Variants in SUSD1 observed in about 807,000 individuals in gnomAD.
The protein encoded by SUSD1 is sushi domain containing 1.
Under a neutral mutation model 86.9 loss-of-function variants are expected in SUSD1, and 65 were observed. That is an observed-to-expected ratio of 0.75 (90% CI 0.61 to 0.92). The LOEUF (loss-of-function observed/expected upper bound fraction) is 0.92, where lower values mean the gene tolerates loss of function less well. SUSD1 is among the 40% of genes least tolerant of loss of function. The pLI, the probability that SUSD1 is intolerant of heterozygous loss-of-function variation, is 0.00. For synonymous variants in SUSD1, 346 were observed against 350.0 expected, an observed-to-expected ratio of 0.99 and a Z score of 0.13; for missense variants, 850 against 929.7, an observed-to-expected ratio of 0.91 and a Z score of 1.11.
chr9:112,058,434 C>T lies in SUSD1; in HGVS notation c.2103G>A (p.Trp701Ter). The T allele has an allele frequency of 6.2e-7, 1 of 1,613,622 alleles. No homozygotes were observed. The highest frequency in any genetic ancestry group is 8.5e-7 in the Non-Finnish European group (1 of 1,179,698). The change falls in exon 14 of 17, where the codon TGG becomes TGA. Residue 701 changes from tryptophan (W) to a stop codon, truncating the protein, a stop_gained. Transcript: ENST00000374270. LOFTEE classifies it high-confidence loss of function. ...AGCTTGGAAAGAAAGATACCTTATT[C>T]CATTCACTTGTGATTCGTAATATAA... ...YCIILRITSE[W>*]NKVRRHSCAV...
chr9:112,069,393 C>T (rs1029610625), intron 12 of SUSD1, among the ~76,000 whole-genome samples: 1 of 145,808 alleles, frequency 6.9e-6, no homozygotes, highest in African/African-American at 2.8e-5. Flanking sequence ...ATGCTATTTT[C>T]AAGAGCAGTC....
chr9:112,157,280 T>C (rs1363917955), intron 2 of SUSD1, among the ~76,000 whole-genome samples: 1 of 152,202 alleles, frequency 6.6e-6, no homozygotes, highest in Non-Finnish European at 1.5e-5. Flanking sequence ...GAGATTCAAG[T>C]TCAATGACCT....
chr9:112,075,736 C>G (rs1370879646), intron 12 of SUSD1, among the ~76,000 whole-genome samples: 1 of 152,132 alleles, frequency 6.6e-6, no homozygotes, highest in Non-Finnish European at 1.5e-5. Context: ...CAGAGTGAGA[C>G]CCTATCTCTA....
At chr9:112,130,675 C>T (rs150930482) in intron 5 of SUSD1, among the ~76,000 whole-genome samples, 1 of 151,950 alleles carries the variant, frequency 6.6e-6, no homozygotes, top group African/African-American at 2.4e-5. Context: ...TTGAAATACT[C>T]CCAAACACAA....
Position 112,124,285 on chromosome 9 carries a change from G to A in SUSD1, c.858C>T (p.Thr286=). 1.2e-6 allele frequency: 2 copies of A among 1,613,974 alleles called. No homozygotes were observed. The highest frequency in any genetic ancestry group is 1.7e-6 in the Non-Finnish European group (2 of 1,179,884). Residue 286 remains threonine (T), a synonymous_variant, in exon 6 of 17, where the codon ACC becomes ACT. Transcript: ENST00000374270. ...KITSVCTEKG[T]WRESTLTCTE... ...TGCATGTTAAAGTACTTTCTCTCCA[G>A]GTGCCTTTCTCTGTGCAAACAGAAG...
intron 6 of SUSD1, among the ~76,000 whole-genome samples, chr9:112,117,937 G>A (rs1363517180): frequency 6.6e-6 from 1 of 152,168 alleles, no homozygotes; most frequent in Non-Finnish European, 1.5e-5. Context: ...GGTGTTCGAT[G>A]CCTGGTTTCC....
At position 112,089,704 on chromosome 9, in the gene SUSD1, C is replaced by T. The variant is rs549516480; in HGVS notation, c.1474+8766G>A. Among the ~76,000 whole-genome samples, 14 of 150,544 alleles carry T rather than the reference C, an allele frequency of 9.3e-5. No homozygotes were observed. The East Asian group carries it at 1.8e-3, about 19-fold the overall frequency. On this transcript the variant is annotated intron_variant, in intron 10 of 16. Transcript: ENST00000374270. Reference sequence around the variant, plus strand: ...GTACATGCCTGTAGTCCCATCTACTCGGGAGGCTGAAGCAGGAGAATCGCT... The same window carrying T: ...GTACATGCCTGTAGTCCCATCTACTTGGGAGGCTGAAGCAGGAGAATCGCT...
intron 14 of SUSD1, among the ~76,000 whole-genome samples, chr9:112,055,769 T>C (rs1308231063): frequency 1.3e-5 from 2 of 152,148 alleles, no homozygotes; most frequent in Non-Finnish European, 2.9e-5. Context: ...TATTCATCCA[T>C]GAATAAATGA....
chr9:112,101,087 C>T (rs950760913), intron 9 of SUSD1, among the ~76,000 whole-genome samples: 8 of 151,396 alleles, frequency 5.3e-5, no homozygotes, highest in African/African-American at 9.7e-5. Flanking sequence ...TTGGCCTGGG[C>T]GCGGTGGCTC....
At chr9:112,122,222 A>T (rs1195646286) in intron 6 of SUSD1, among the ~76,000 whole-genome samples, 2 of 152,170 alleles carry the variant, frequency 1.3e-5, no homozygotes, top group Non-Finnish European at 2.9e-5. Flanking sequence ...GCTGGAGTAC[A>T]GGGATGTGAT....
intron 1 of SUSD1, among the ~76,000 whole-genome samples, chr9:112,170,157 G>A (rs1177449873): frequency 6.6e-6 from 1 of 152,106 alleles, no homozygotes; most frequent in Non-Finnish European, 1.5e-5. Flanking sequence ...GCCATGGTGG[G>A]CATCTTCATC....
chr9:112,051,408 C>CTTTTTTTTTTTTTTT (rs746946192), intron 15 of SUSD1, among the ~76,000 whole-genome samples: 263 of 76,884 alleles, frequency 3.4e-3, no homozygotes, highest in Non-Finnish European at 4.5e-3. Flanking sequence ...TTTTTCTTTT[C>CTTTTTTTTTTTTTTT]TTTTTTTTTT....
chr9:112,144,004 C>T (rs925164951), intron 3 of SUSD1, among the ~76,000 whole-genome samples: 4 of 152,100 alleles, frequency 2.6e-5, no homozygotes, highest in African/African-American at 9.7e-5. Context: ...CTTTGGGAAG[C>T]CGAAGCATGT....
chr9:112,046,785 G>A (rs868668104), intron 15 of SUSD1, among the ~76,000 whole-genome samples: 2 of 152,156 alleles, frequency 1.3e-5, no homozygotes, highest in African/African-American at 4.8e-5. Flanking sequence ...CTTCTCACTT[G>A]AATTCCATTC....
At chr9:112,172,461 A>G (rs1383958300) in intron 1 of SUSD1, among the ~76,000 whole-genome samples, 1 of 152,140 alleles carries the variant, frequency 6.6e-6, no homozygotes, top group African/African-American at 2.4e-5. Flanking sequence ...AAACTCCAAG[A>G]ATCCTCTCCA....
intron 1 of SUSD1, among the ~76,000 whole-genome samples, chr9:112,158,373 G>A (rs895095543): frequency 6.6e-6 from 1 of 151,892 alleles, no homozygotes; most frequent in Non-Finnish European, 1.5e-5. Flanking sequence ...CATTCCCTCT[G>A]AGGTCTTCCC....
intron 5 of SUSD1, among the ~76,000 whole-genome samples, chr9:112,131,719 G>GA (rs1832042700): frequency 6.6e-6 from 1 of 152,154 alleles, no homozygotes; most frequent in African/African-American, 2.4e-5. Context: ...CCCCAAGGAA[G>GA]AAAAAATAAG....
chr9:112,121,736 C>T (rs1831563829), intron 6 of SUSD1, among the ~76,000 whole-genome samples: 1 of 152,202 alleles, frequency 6.6e-6, no homozygotes, highest in African/African-American at 2.4e-5. Flanking sequence ...AGATTTCACT[C>T]TTCAGAGACC....
intron 8 of SUSD1, chr9:112,102,992 T>C (rs1173358435): frequency 9.1e-6 from 3 of 329,258 alleles, no homozygotes; most frequent in Middle Eastern, 4.9e-4. Context: ...ACTAATGAAT[T>C]AAAGAAATAA....
Sources: allele counts gnomAD v4.1 joint callset (sites outside exome capture counted in the v4.1 genomes callset), GRCh38; gene constraint gnomAD v4.1.1; transcripts MANE v1.5; gene names NCBI Gene and HGNC (gene_info 2026-07-23, HGNC 2026-07-21).